Variants in PPP1R12B observed in about 807,000 individuals in gnomAD.
PPP1R12B encodes protein phosphatase 1 regulatory subunit 12B.
Under a neutral mutation model 126.1 loss-of-function variants are expected in PPP1R12B, and 76 were observed. That is an observed-to-expected ratio of 0.60 (90% CI 0.50 to 0.73). The LOEUF is 0.73. Ranked by LOEUF, PPP1R12B falls within the 30% of genes least tolerant of loss-of-function variation. The pLI, the probability that PPP1R12B is intolerant of heterozygous loss-of-function variation, is 0.00. For synonymous variants in PPP1R12B, 356 were observed against 434.7 expected (o/e 0.82, Z 2.25); for missense variants, 1,052 against 1,205.1 (o/e 0.87, Z 1.88).
At chr1:202,427,726 G>C (rs1333971339) in intron 5 of PPP1R12B, among the ~76,000 whole-genome samples, 1 of 151,986 alleles carries the variant, frequency 6.6e-6, no homozygotes, top group Non-Finnish European at 1.5e-5. Flanking sequence ...CTCACTGCAG[G>C]CTCCACCTCT....
chr1:202,413,842 A>G (rs1918861), intron 1 of PPP1R12B, among the ~76,000 whole-genome samples: 66,704 of 151,986 alleles, frequency 0.44, 16,049 homozygotes, highest in East Asian at 0.71. Flanking sequence ...TATATTTGGA[A>G]AAGGGAGGAG....
chr1:202,477,309 T>G (rs1450724303), intron 13 of PPP1R12B, among the ~76,000 whole-genome samples: 1 of 152,194 alleles, frequency 6.6e-6, no homozygotes, highest in Non-Finnish European at 1.5e-5. Flanking sequence ...TGTATATATC[T>G]GTTACAACTG....
At chr1:202,527,141 C>G (rs1410589361) in intron 18 of PPP1R12B, among the ~76,000 whole-genome samples, 1 of 151,580 alleles carries the variant, frequency 6.6e-6, no homozygotes, top group Non-Finnish European at 1.5e-5. Context: ...ATACCAGAAG[C>G]TGATTCTTTG....
chr1:202,545,635 A>C (rs1248936733), intron 18 of PPP1R12B, among the ~76,000 whole-genome samples: 1 of 152,234 alleles, frequency 6.6e-6, no homozygotes, highest in Non-Finnish European at 1.5e-5. Context: ...AAGAATTGGC[A>C]GTCTAATTGG....
At position 202,588,872 on chromosome 1, in the gene PPP1R12B, T is replaced by TATAGATA. The variant is rs1553332293; in HGVS notation, c.*8314_*8315insAGATAAT. ...ATAGATAGATAGATAGATAGATAGA[T>TATAGATA]ATCAAGGTTCCAAGCTTCAAGTAAC... On this transcript the variant is annotated 3_prime_UTR_variant, in exon 24 of 24. Transcript: ENST00000608999. 3.4e-5 allele frequency: 5 copies of TATAGATA among 146,970 alleles called. No individual in the cohort carries two copies. Among genetic ancestry groups the TATAGATA allele is most frequent in the African/African-American group, 1.3e-4 (5 of 37,810 alleles). The allele number at this position is 146,970 out of a possible 1,614,324, so 9.1% of individuals were successfully genotyped here.
At chr1:202,401,566 A>T (rs1379436096) in intron 1 of PPP1R12B, among the ~76,000 whole-genome samples, 2 of 151,872 alleles carry the variant, frequency 1.3e-5, no homozygotes, top group East Asian at 3.9e-4. Flanking sequence ...ATTAATTAAC[A>T]CAAAGAATAG....
At chr1:202,349,175 T>TCTCC in intron 1 of PPP1R12B, 33 bp downstream of exon 1, 1 of 1,610,298 alleles carries the variant, frequency 6.2e-7, no homozygotes, top group Non-Finnish European at 8.5e-7. Context: ...AGGCGTCCAG[T>TCTCC]CTCCTACAGA....
chr1:202,400,839 TA>T (rs112908868), intron 1 of PPP1R12B, among the ~76,000 whole-genome samples: 1,641 of 152,354 alleles, frequency 0.011, 29 homozygotes, highest in African/African-American at 0.037. Flanking sequence ...TTATAGCTAT[TA>T]AGTTCCACAG....
chr1:202,493,160 G>T lies in PPP1R12B; in HGVS notation c.1988G>T (p.Arg663Leu). ...CAAGAAGCAGAAAGGACATTCAGCC[G>T]GTCGAGGGCAGAGAGGCAAGCTCAG... ...DLQEAERTFS[R>L]SRAERQAQEQ... The change falls in exon 15 of 24, where the codon CGG (arginine) becomes CTG (leucine). Residue 663 changes from arginine to leucine, a missense_variant. Coordinates refer to ENST00000608999, the MANE Select transcript of PPP1R12B (RefSeq NM_002481.4). 1 of 1,612,140 alleles carries T rather than the reference G, an allele frequency of 6.2e-7. No individual in the cohort carries two copies. Among genetic ancestry groups the T allele is most frequent in the South Asian group, 1.1e-5 (1 of 90,988 alleles).
chr1:202,525,064 A>T (rs1558331998), intron 18 of PPP1R12B, among the ~76,000 whole-genome samples: 1 of 151,986 alleles, frequency 6.6e-6, no homozygotes, highest in Non-Finnish European at 1.5e-5. Context: ...TTTTTAGTGG[A>T]GTCGGGGTTT....
intron 10 of PPP1R12B, among the ~76,000 whole-genome samples, chr1:202,440,192 A>G (rs1210061328): frequency 2.0e-5 from 3 of 152,180 alleles, no homozygotes; most frequent in Non-Finnish European, 2.9e-5. Context: ...CTGGGGTCAC[A>G]TCTTCCTTGT....
intron 1 of PPP1R12B, chr1:202,369,871 C>G (rs1320826490): frequency 4.5e-5 from 7 of 156,072 alleles, no homozygotes; most frequent in African/African-American, 1.7e-4. Flanking sequence ...TCTTGGCTCA[C>G]TGCAACCTCT....
In PPP1R12B at chr1:202,574,956, C is replaced by G. The variant is rs781735782; in HGVS notation, c.2863-5518C>G. 3.3e-6 allele frequency: 5 copies of G among 1,526,622 alleles called. No homozygotes were observed. In the East Asian group the frequency reaches 6.8e-5, roughly 21 times the overall value. The allele number at this position is 1,526,622 out of a possible 1,614,324, so 94.6% of individuals were successfully genotyped here. On this transcript the variant is annotated intron_variant, in intron 23 of 23. Transcript: ENST00000608999. ...TTCTCTCCTCTGGTCTGTCTTGTCT[C>G]TCTCTGTCTTTTCTGTCTGTCCTTT...
At chr1:202,580,341 G>A in intron 23 of PPP1R12B, 133 bp from the exon 24 acceptor site, 1 of 635,688 alleles carries the variant, frequency 1.6e-6, no homozygotes, top group South Asian at 2.0e-5. Flanking sequence ...ATCCCTGGGA[G>A]AAGGGACCAT....
At chr1:202,414,594 G>A (rs1571901596) in intron 1 of PPP1R12B, among the ~76,000 whole-genome samples, 1 of 152,174 alleles carries the variant, frequency 6.6e-6, no homozygotes, top group East Asian at 1.9e-4. Flanking sequence ...TTTTCACTTG[G>A]ATGGTCACAT....
In PPP1R12B at chr1:202,353,880, T is replaced by G. The variant is rs77361214; in HGVS notation, c.291+4738T>G. On this transcript the variant is annotated intron_variant, in intron 1 of 23. Transcript: ENST00000608999. ...CTCCCCCCTCGGCCTCCCAAAGTGC[T>G]CGGATTACAAGTAGGAGCCACTATG... 4.9e-3 allele frequency among the ~76,000 whole-genome samples: 739 copies of G among 152,102 alleles called. 11 individuals carry two copies. The highest frequency in any genetic ancestry group is 0.016 in the African/African-American group (674 of 41,472).
chr1:202,531,990 A>G (rs1684002700), intron 18 of PPP1R12B, among the ~76,000 whole-genome samples: 1 of 152,236 alleles, frequency 6.6e-6, no homozygotes, highest in Non-Finnish European at 1.5e-5. Context: ...GAATGACTCC[A>G]TAGACAGAGC....
intron 23 of PPP1R12B, among the ~76,000 whole-genome samples, chr1:202,578,512 A>C (rs556693596): frequency 3.9e-4 from 60 of 152,352 alleles, no homozygotes; most frequent in African/African-American, 1.4e-3. Flanking sequence ...GGAACGAAGG[A>C]GAGGGCAGCC....
At position 202,580,707 on chromosome 1, in the gene PPP1R12B, A is replaced by G. The variant is rs1689501430; in HGVS notation, c.*147A>G. The G allele has an allele frequency of 1.6e-6, 1 of 631,070 alleles. No homozygotes were observed. Among genetic ancestry groups the G allele is most frequent in the African/African-American group, 1.8e-5 (1 of 54,436 alleles). 39.1% of individuals were successfully genotyped at this position (631,070 alleles called of 1,614,324 possible). A position where few individuals can be genotyped will look rare whatever the true frequency, so the allele number is the denominator to read the frequency against. On this transcript the variant is annotated 3_prime_UTR_variant, in exon 24 of 24. Transcript: ENST00000608999. ...TCACCCTCTTCAGTCACCTCTATACACTCTACATTTTCTCTGCACTTTCAA... is the reference window on the plus strand; with the variant it reads ...TCACCCTCTTCAGTCACCTCTATACGCTCTACATTTTCTCTGCACTTTCAA...
Sources: allele counts gnomAD v4.1 joint callset (sites outside exome capture counted in the v4.1 genomes callset), GRCh38; gene constraint gnomAD v4.1.1; transcripts MANE v1.5; gene names NCBI Gene and HGNC (gene_info 2026-07-23, HGNC 2026-07-21).